SHANK2: variants seen among roughly 807,000 people sequenced by gnomAD.
SHANK2 encodes SH3 and multiple ankyrin repeat domains protein 2.
A neutral mutation model predicts 133.7 loss-of-function variants in SHANK2; 43 were observed. The observed-to-expected ratio is 0.32, with a 90% CI of 0.25 to 0.41. The LOEUF is 0.41. Ranked by LOEUF, SHANK2 falls within the 10% of genes least tolerant of loss-of-function variation. SHANK2 has a pLI of 1.00. For synonymous variants in SHANK2, 1,017 were observed against 952.8 expected (o/e 1.07, Z -1.24); for missense variants, 1,994 against 2,235.8 (o/e 0.89, Z 2.18).
chr11:71,093,057 G>GGT lies in SHANK2; in HGVS notation c.745-469_745-468insAC, dbSNP rs1555094490. On this transcript the variant is annotated intron_variant, in intron 7 of 25. Coordinates refer to ENST00000601538, the MANE Select transcript of SHANK2 (RefSeq NM_012309.5). ...AGCTCAGTCTCAAAAATAAAGGGGG[G>GGT]GGGGGGCAGGTATAACTTTAGACAA... 2.7e-5 allele frequency among the ~76,000 whole-genome samples: 4 copies of GGT among 145,470 alleles called. 1 individual carries two copies. Among genetic ancestry groups the GGT allele is most frequent in the East Asian group, 2.2e-4 (1 of 4,644 alleles).
chr11:71,067,419 T>C (rs1951079228), intron 9 of SHANK2, among the ~76,000 whole-genome samples: 1 of 152,182 alleles, frequency 6.6e-6, no homozygotes, highest in African/African-American at 2.4e-5. Flanking sequence ...AACCCCAGGC[T>C]GCTCCCCTCC....
At chr11:71,227,745 A>G (rs543134731) in intron 1 of SHANK2, among the ~76,000 whole-genome samples, 22 of 152,298 alleles carry the variant, frequency 1.4e-4, no homozygotes, top group Middle Eastern at 3.4e-3. Flanking sequence ...CCTCCACTGT[A>G]CTACAGCAGA....
At chr11:70,498,572 G>A (rs999874593) in intron 21 of SHANK2, among the ~76,000 whole-genome samples, 11 of 152,220 alleles carry the variant, frequency 7.2e-5, no homozygotes, top group African/African-American at 2.7e-4. Flanking sequence ...CCAGCACAGG[G>A]TCTGGGCACT....
chr11:70,693,357 T>C (rs190428371), intron 15 of SHANK2, among the ~76,000 whole-genome samples: 58 of 152,366 alleles, frequency 3.8e-4, no homozygotes, highest in Middle Eastern at 3.4e-3. Flanking sequence ...TTCTAGGCCA[T>C]GGCTATTCCT....
intron 14 of SHANK2, among the ~76,000 whole-genome samples, chr11:70,771,900 T>G (rs874708): frequency 6.6e-6 from 1 of 152,108 alleles, no homozygotes. Flanking sequence ...AGGAAATCGC[T>G]ACTGGGCCTG....
intron 17 of SHANK2, among the ~76,000 whole-genome samples, chr11:70,518,598 C>T (rs782775381): frequency 2.0e-5 from 3 of 152,312 alleles, no homozygotes; most frequent in East Asian, 1.9e-4. Flanking sequence ...CTGAAGAAAC[C>T]GAGTCAATTG....
At position 70,787,517 on chromosome 11, in the gene SHANK2, A is replaced by G. The variant is rs139975460; in HGVS notation, c.1777+10926T>C. On this transcript the variant is annotated intron_variant, in intron 14 of 25. Coordinates refer to ENST00000601538, the MANE Select transcript of SHANK2 (RefSeq NM_012309.5). ...CACCAGCATCACCACCATCATCACCAAGACCACCACCACCAGCATCAACAC... is the reference window on the plus strand; with the variant it reads ...CACCAGCATCACCACCATCATCACCGAGACCACCACCACCAGCATCAACAC... Among the ~76,000 whole-genome samples, 5 of 60,062 alleles carry G rather than the reference A, an allele frequency of 8.3e-5. 1 individual carries two copies. Among genetic ancestry groups the G allele is most frequent in the Non-Finnish European group, 2.4e-4 (4 of 16,764 alleles). 39.4% of individuals were successfully genotyped at this position (60,062 alleles called of 152,430 possible). A position where few individuals can be genotyped will look rare whatever the true frequency, so the allele number is the denominator to read the frequency against.
At chr11:70,846,010 A>T (rs1229640030) in intron 11 of SHANK2, among the ~76,000 whole-genome samples, 3 of 152,150 alleles carry the variant, frequency 2.0e-5, no homozygotes, top group African/African-American at 7.2e-5. Context: ...GGCAGCCGCC[A>T]AGGTTTCCAG....
At chr11:70,687,957 G>A (rs1945192428) in intron 15 of SHANK2, among the ~76,000 whole-genome samples, 1 of 152,220 alleles carries the variant, frequency 6.6e-6, no homozygotes, top group East Asian at 1.9e-4. Context: ...GTCTGAGGCT[G>A]CTCTGAGCCA....
chr11:70,704,055 G>A (rs1221378435), intron 14 of SHANK2, among the ~76,000 whole-genome samples: 10 of 152,218 alleles, frequency 6.6e-5, no homozygotes, highest in African/African-American at 1.4e-4. Flanking sequence ...GGGTTCCCAC[G>A]CCTCAGGCCA....
At chr11:70,686,319 A>G (rs145051379) in intron 15 of SHANK2, among the ~76,000 whole-genome samples, 2 of 143,668 alleles carry the variant, frequency 1.4e-5, no homozygotes, top group Admixed American at 7.1e-5. Context: ...TCCATCATCC[A>G]TCTACCCATC....
At chr11:71,109,336 G>A (rs910155251) in intron 6 of SHANK2, among the ~76,000 whole-genome samples, 2 of 152,190 alleles carry the variant, frequency 1.3e-5, no homozygotes, top group Non-Finnish European at 2.9e-5. Context: ...GACACTGTTG[G>A]TTGTCACAAC....
intron 3 of SHANK2, among the ~76,000 whole-genome samples, chr11:71,135,482 GTTTT>G (rs71949830): frequency 2.6e-5 from 3 of 115,704 alleles, no homozygotes; most frequent in African/African-American, 3.2e-5. Context: ...GGGGGGATAT[GTTTT>G]TTTTTTTTTT....
intron 2 of SHANK2, among the ~76,000 whole-genome samples, chr11:71,190,777 TG>T (rs1555115272): frequency 6.6e-6 from 1 of 152,162 alleles, no homozygotes; most frequent in Non-Finnish European, 1.5e-5. Context: ...GGCTCCACCC[TG>T]GGCTGCGTGG....
intron 14 of SHANK2, among the ~76,000 whole-genome samples, chr11:70,704,955 G>T (rs782537675): frequency 1.3e-5 from 2 of 152,200 alleles, no homozygotes; most frequent in South Asian, 4.1e-4. Context: ...CTGGCTGGAG[G>T]TTTTAATTCC....
At chr11:70,952,868 C>A in intron 10 of SHANK2, 1 of 356,334 alleles carries the variant, frequency 2.8e-6, no homozygotes, top group Non-Finnish European at 6.1e-6. Context: ...AGCAACAAAC[C>A]TTCCATGCAG....
chr11:70,916,246 T>C (rs1950267465), intron 10 of SHANK2, among the ~76,000 whole-genome samples: 1 of 152,124 alleles, frequency 6.6e-6, no homozygotes, highest in Non-Finnish European at 1.5e-5. Context: ...TCGAGCCCCA[T>C]GCCCCGTGTA....
In SHANK2 at chr11:71,188,129, G is replaced by A. The variant is rs988427427; in HGVS notation, c.-13+36568C>T. Among the ~76,000 whole-genome samples the A allele has an allele frequency of 2.0e-5, 3 of 152,080 alleles. No individual in the cohort carries two copies. The highest frequency in any genetic ancestry group is 6.5e-5 in the Admixed American group (1 of 15,274). ...TCCCATTAGAAACTGAGACATCACCGGAGACGTTTCCCTCTGCCTCTGCCC... is the reference window on the plus strand; with the variant it reads ...TCCCATTAGAAACTGAGACATCACCAGAGACGTTTCCCTCTGCCTCTGCCC... On this transcript the variant is annotated intron_variant, in intron 2 of 25. Transcript: ENST00000601538. This position sits in a 1 kb window ranked among gnomAD's most constrained non-coding sequence, Gnocchi z 4.6.
At chr11:70,579,285 T>C (rs1288991392) in intron 17 of SHANK2, among the ~76,000 whole-genome samples, 2 of 152,148 alleles carry the variant, frequency 1.3e-5, no homozygotes, top group South Asian at 2.1e-4. Context: ...CCTTAGCAAC[T>C]ACATGAAACA....
Sources: gnomAD v4.1 joint callset for allele counts (sites outside exome capture counted in the v4.1 genomes callset) on GRCh38, gnomAD v4.1.1 for gene constraint, Gnocchi (gnomAD v3.1) non-coding constraint, MANE v1.5 for transcripts, NCBI Gene and HGNC (gene_info 2026-07-23, HGNC 2026-07-21) for gene names.